Variants in TEX29 observed in about 807,000 individuals in gnomAD.
TEX29 encodes the protein testis expressed 29.
A neutral mutation model predicts 18.2 loss-of-function variants in TEX29; 26 were observed. The observed-to-expected ratio is 1.43, with a 90% CI of 1.04 to 1.98. The LOEUF (loss-of-function observed/expected upper bound fraction) is 1.98. Among genes scored for constraint, TEX29 ranks in the 30% most tolerant of loss-of-function variants. The pLI is 0.00. For synonymous variants in TEX29, 83 were observed against 78.5 expected (o/e 1.06, Z -0.31); for missense variants, 177 against 194.2 (o/e 0.91, Z 0.53).
chr13:111,332,557 G>A (rs2093684230), intron 3 of TEX29, among the ~76,000 whole-genome samples: 1 of 151,932 alleles, frequency 6.6e-6, no homozygotes, highest in South Asian at 2.1e-4. Flanking sequence ...AAAACCTCCA[G>A]TACAATGATG....
chr13:111,333,539 A>T (rs769336522), intron 3 of TEX29, among the ~76,000 whole-genome samples: 3 of 152,142 alleles, frequency 2.0e-5, no homozygotes, highest in Non-Finnish European at 4.4e-5. Context: ...TGTACTCTCA[A>T]CTTCAGAATT....
chr13:111,342,925 G>T lies in TEX29; in HGVS notation c.409G>T (p.Asp137Tyr), dbSNP rs1240196903. 3 of 1,613,892 alleles carry T rather than the reference G, an allele frequency of 1.9e-6. No individual in the cohort carries two copies. The highest frequency in any genetic ancestry group is 2.5e-6 in the Non-Finnish European group (3 of 1,179,816). Reference protein sequence around the residue: ...GPSMKSDEDKDDVTGTITEAE... With the variant: ...GPSMKSDEDKYDVTGTITEAE... ...CTCGATGAAGAGTGACGAGGATAAG[G>T]ATGATGGTGAGAAGCTTCTGGAATG... The change falls in exon 5 of 6, where the codon GAT (aspartate) becomes TAT (tyrosine). Residue 137 changes from aspartate (D) to tyrosine (Y), a missense_variant. Asp to Tyr is a radical substitution (Grantham distance 160, BLOSUM62 -3). Transcript: ENST00000283547.
At chr13:111,318,586 A>T (rs1008802208), upstream of TEX29, among the ~76,000 whole-genome samples, 4 of 151,680 alleles carry the variant, frequency 2.6e-5, no homozygotes, top group Admixed American at 2.0e-4. Context: ...GTGCTGGCTC[A>T]GTCCTGGCAA....
At chr13:111,330,177 G>A (rs1284785287) in intron 3 of TEX29, among the ~76,000 whole-genome samples, 2 of 152,168 alleles carry the variant, frequency 1.3e-5, no homozygotes, top group South Asian at 2.1e-4. Flanking sequence ...GTTTGATTAC[G>A]TGGGGACTGC....
At chr13:111,339,977 T>C (rs747111327) in intron 4 of TEX29, 45 bp downstream of exon 4, 18 of 1,544,882 alleles carry the variant, frequency 1.2e-5, no homozygotes, top group Admixed American at 8.3e-5. Flanking sequence ...AGGAGGGGAC[T>C]CACCTCTCCT....
rs141305089 is a variant in TEX29, at chr13:111,326,745, C to G, written c.59-1438C>G. 1.3e-4 allele frequency among the ~76,000 whole-genome samples: 19 copies of G among 151,452 alleles called. No individual in the cohort carries two copies. The East Asian group carries it at 2.8e-3, about 22-fold the overall frequency. ...GAGACTGCGGGCAGTGCGATCCTGG[C>G]GCTGGCGGGTGTTTGCTGTGCAGCT... On this transcript the variant is annotated intron_variant, in intron 2 of 5. Transcript: ENST00000283547.
chr13:111,338,661 G>A, intron 3 of TEX29, among the ~76,000 whole-genome samples: 1 of 152,152 alleles, frequency 6.6e-6, no homozygotes, highest in East Asian at 1.9e-4. Flanking sequence ...ATATTTGCAA[G>A]TCAGCCAGTT....
chr13:111,327,226 T>G (rs1410451727), intron 2 of TEX29, among the ~76,000 whole-genome samples: 3 of 152,200 alleles, frequency 2.0e-5, no homozygotes, highest in Non-Finnish European at 1.5e-5. Flanking sequence ...CCATGATGCT[T>G]CTGACAGAGG....
intron 3 of TEX29, among the ~76,000 whole-genome samples, chr13:111,338,861 C>T (rs2153642034): frequency 1.3e-5 from 2 of 152,332 alleles, no homozygotes; most frequent in South Asian, 4.1e-4. Flanking sequence ...TATTATTTGA[C>T]CAAGGACTCT....
intron 3 of TEX29, among the ~76,000 whole-genome samples, chr13:111,328,940 G>A (rs1204863862): frequency 6.6e-6 from 1 of 152,232 alleles, no homozygotes; most frequent in Non-Finnish European, 1.5e-5. Flanking sequence ...ACCATGGCTA[G>A]TTGTAAAATG....
At chr13:111,327,262 C>A (rs1451008645) in intron 2 of TEX29, among the ~76,000 whole-genome samples, 1 of 152,220 alleles carries the variant, frequency 6.6e-6, no homozygotes, top group East Asian at 1.9e-4. Flanking sequence ...GCAGCATTTG[C>A]AAACCTGGAA....
At chr13:111,339,471 C>G in intron 3 of TEX29, 1 of 413,532 alleles carries the variant, frequency 2.4e-6, no homozygotes, top group South Asian at 1.8e-5. Context: ...CAGCACAACC[C>G]CGTGGGTCAG....
rs767009089 is a variant in TEX29 at position 111,339,920 on chromosome 13, CCAT to C, written c.232_234del (p.Ile78del). Reference sequence around the variant, plus strand: ...ATCATCGCTGGGGCCTTCGTCATCACCATCATCTACAGGTCGGTCCCTTTGTTC... The same window carrying C: ...ATCATCGCTGGGGCCTTCGTCATCACCATCTACAGGTCGGTCCCTTTGTTC... On this transcript the variant is annotated inframe_deletion, in exon 4 of 6. Coordinates refer to ENST00000283547, the MANE Select transcript of TEX29 (RefSeq NM_152324.3). The C allele has an allele frequency of 3.7e-6, 6 of 1,611,602 alleles. No homozygotes were observed. In the Admixed American group the frequency reaches 1.0e-4, roughly 27 times the overall value.
At chr13:111,327,870 T>C (rs1249117997) in intron 2 of TEX29, among the ~76,000 whole-genome samples, 1 of 152,266 alleles carries the variant, frequency 6.6e-6, no homozygotes, top group African/African-American at 2.4e-5. Context: ...GCAGCCATTG[T>C]GTGAGCCCCG....
intron 5 of TEX29, among the ~76,000 whole-genome samples, chr13:111,343,281 C>A (rs1002803769): frequency 1.3e-5 from 2 of 152,136 alleles, no homozygotes; most frequent in African/African-American, 4.8e-5. Context: ...CAGGTGACTT[C>A]CTGTGGGGAG....
upstream of TEX29, among the ~76,000 whole-genome samples, chr13:111,316,471 G>A (rs1224864813): frequency 1.3e-5 from 2 of 152,208 alleles, no homozygotes; most frequent in Non-Finnish European, 2.9e-5. Context: ...GCTGCAAGAC[G>A]GTGGCATTTC....
At position 111,320,770 on chromosome 13, in the gene TEX29, G is replaced by A. The variant is rs2093662638; in HGVS notation, c.-35+8G>A. The A allele has an allele frequency of 8.2e-6, 10 of 1,226,046 alleles. No individual in the cohort carries two copies. In the East Asian group the frequency reaches 1.2e-4, roughly 14 times the overall value. The allele number at this position is 1,226,046 out of a possible 1,614,324, so 75.9% of individuals were successfully genotyped here. On this transcript the variant is annotated splice_region_variant and intron_variant, in intron 1 of 5. Transcript: ENST00000283547. ...CTGGGATGTGAGGCGCAGGTGAGTC[G>A]ATGAACGCCCCCTCCTGGTGTGAGC...
At chr13:111,332,156 A>G (rs1488108417) in intron 3 of TEX29, among the ~76,000 whole-genome samples, 6 of 152,142 alleles carry the variant, frequency 3.9e-5, no homozygotes, top group African/African-American at 1.4e-4. Context: ...ATCTTAACAC[A>G]ATATTAAGTG....
upstream of TEX29, chr13:111,316,270 T>C (rs1416274205): frequency 4.0e-6 from 2 of 495,794 alleles, no homozygotes; most frequent in Non-Finnish European, 4.0e-6. Flanking sequence ...AAGTATCTGT[T>C]GGATGAATAA....
Sources: allele counts gnomAD v4.1 joint callset (sites outside exome capture counted in the v4.1 genomes callset), GRCh38; gene constraint gnomAD v4.1.1; transcripts MANE v1.5; gene names NCBI Gene and HGNC (gene_info 2026-07-23, HGNC 2026-07-21).